MYO3B: variants seen among roughly 807,000 people sequenced by gnomAD.
MYO3B encodes myosin-IIIb.
MYO3B carries 156 observed loss-of-function variants against 174.6 expected under a neutral mutation model. That is an observed-to-expected ratio of 0.89 (90% confidence interval 0.78 to 1.02). The LOEUF (loss-of-function observed/expected upper bound fraction) is 1.02. MYO3B is among the 50% of genes least tolerant of loss of function. The pLI is 0.00. For synonymous variants in MYO3B, 563 were observed against 569.1 expected, an observed-to-expected ratio of 0.99 and a Z score of 0.15; for missense variants, 1,632 against 1,639.4, an observed-to-expected ratio of 1.00 and a Z score of 0.08.
intron 25 of MYO3B, among the ~76,000 whole-genome samples, chr2:170,492,894 G>A (rs1686582647): frequency 6.6e-6 from 1 of 152,216 alleles, no homozygotes; most frequent in Non-Finnish European, 1.5e-5. Context: ...ACATGGGCCA[G>A]GTCTCATAGG....
intron 32 of MYO3B, chr2:170,644,355 C>G (rs1246752291): frequency 6.6e-6 from 1 of 151,724 alleles, no homozygotes; most frequent in Non-Finnish European, 1.5e-5. Flanking sequence ...GATGCGATCT[C>G]AGCTTACTGC....
chr2:170,617,011 A>C (rs1164707730), intron 32 of MYO3B, among the ~76,000 whole-genome samples: 2 of 152,186 alleles, frequency 1.3e-5, no homozygotes, highest in Non-Finnish European at 2.9e-5. Flanking sequence ...CCTCCCATCC[A>C]TATAACAGTT....
At chr2:170,515,320 C>T (rs867523348) in intron 29 of MYO3B, among the ~76,000 whole-genome samples, 10 of 152,322 alleles carry the variant, frequency 6.6e-5, no homozygotes, top group Middle Eastern at 3.4e-3. Context: ...CCAATGGCTT[C>T]GCCTTAACCT....
intron 1 of MYO3B, among the ~76,000 whole-genome samples, chr2:170,189,933 C>T (rs1582646): frequency 0.87 from 131,845 of 152,158 alleles, 57,489 homozygotes; most frequent in East Asian, 1. Context: ...TAGGTATTTA[C>T]TGTGTTCTTC....
chr2:170,243,947 C>T (rs755098220), intron 7 of MYO3B, among the ~76,000 whole-genome samples: 8 of 152,118 alleles, frequency 5.3e-5, no homozygotes, highest in African/African-American at 7.2e-5. Flanking sequence ...TTAAGAGATA[C>T]GGTCACATAC....
At chr2:170,518,586 G>A (rs1688466261) in intron 29 of MYO3B, among the ~76,000 whole-genome samples, 1 of 152,178 alleles carries the variant, frequency 6.6e-6, no homozygotes, top group South Asian at 2.1e-4. Context: ...CTTCCTGGGT[G>A]TTTCTAATGT....
At chr2:170,439,330 C>T (rs2094781794) in intron 22 of MYO3B, among the ~76,000 whole-genome samples, 1 of 151,872 alleles carries the variant, frequency 6.6e-6, no homozygotes, top group Admixed American at 6.6e-5. Flanking sequence ...CAAGATTGTG[C>T]CACTGCACTC....
chr2:170,421,416 CA>C (rs557363391), intron 22 of MYO3B, among the ~76,000 whole-genome samples: 60 of 152,292 alleles, frequency 3.9e-4, no homozygotes, highest in African/African-American at 1.4e-3. Flanking sequence ...TTCCCAGAAG[CA>C]AACAGTACAC....
chr2:170,203,527 G>C (rs2092685909), intron 3 of MYO3B, among the ~76,000 whole-genome samples: 1 of 150,044 alleles, frequency 6.7e-6, no homozygotes, highest in Non-Finnish European at 1.5e-5. Context: ...GGGAGAAAGA[G>C]AGACAGCAGA....
chr2:170,321,371 C>T (rs962811767), intron 7 of MYO3B, among the ~76,000 whole-genome samples: 13 of 151,768 alleles, frequency 8.6e-5, no homozygotes, highest in Admixed American at 2.0e-4. Context: ...TGAGCTTTTT[C>T]GGGACAAAAA....
intron 7 of MYO3B, among the ~76,000 whole-genome samples, chr2:170,246,529 GAC>G (rs58936698): frequency 0.11 from 14,795 of 140,078 alleles, 846 homozygotes; most frequent in African/African-American, 0.18. Flanking sequence ...TTTGGACATG[GAC>G]ACACACACAC....
chr2:170,492,643 G>A (rs1686567065), intron 25 of MYO3B, among the ~76,000 whole-genome samples: 1 of 152,144 alleles, frequency 6.6e-6, no homozygotes, highest in African/African-American at 2.4e-5. Context: ...GTTGAGTAAA[G>A]TCCAGGGCCA....
At chr2:170,608,914 C>T (rs183491129) in intron 32 of MYO3B, among the ~76,000 whole-genome samples, 33 of 152,258 alleles carry the variant, frequency 2.2e-4, no homozygotes, top group Admixed American at 9.8e-4. Context: ...TAGGCCCAAT[C>T]GATATATTAG....
intron 21 of MYO3B, among the ~76,000 whole-genome samples, chr2:170,406,132 A>G (rs896740125): frequency 3.9e-5 from 6 of 152,172 alleles, no homozygotes; most frequent in Non-Finnish European, 8.8e-5. Context: ...TCCACTTTTC[A>G]TACATTATGC....
chr2:170,216,512 G>T (rs866750388), intron 5 of MYO3B, among the ~76,000 whole-genome samples: 2 of 152,168 alleles, frequency 1.3e-5, no homozygotes, highest in Non-Finnish European at 2.9e-5. Context: ...TAATCCTGTG[G>T]ACCTTTACGC....
At chr2:170,266,719 G>C (rs537312805) in intron 7 of MYO3B, among the ~76,000 whole-genome samples, 2 of 152,272 alleles carry the variant, frequency 1.3e-5, no homozygotes, top group East Asian at 3.9e-4. Context: ...GGGGTCAAAA[G>C]TTTATTGAAA....
At chr2:170,443,780 A>G (rs1284059928) in intron 22 of MYO3B, among the ~76,000 whole-genome samples, 187 bp from the exon 23 acceptor site, 1 of 151,280 alleles carries the variant, frequency 6.6e-6, no homozygotes, top group Non-Finnish European at 1.5e-5. Flanking sequence ...ATTATTTTAA[A>G]CTTATAAATA....
At chr2:170,650,195 G>A (rs982043826) in intron 32 of MYO3B, among the ~76,000 whole-genome samples, 11 of 151,812 alleles carry the variant, frequency 7.2e-5, no homozygotes, top group Admixed American at 6.6e-4. Context: ...ACCACGCCCA[G>A]CTAATTTTTG....
At chr2:170,548,106 C>CAAAAAA (rs10532249) in intron 32 of MYO3B, among the ~76,000 whole-genome samples, 4 of 51,718 alleles carry the variant, frequency 7.7e-5, no homozygotes, top group African/African-American at 2.0e-4. Flanking sequence ...GACTCCGTCT[C>CAAAAAA]AAAAAAAAAA....
Sources: allele counts gnomAD v4.1 joint callset (sites outside exome capture counted in the v4.1 genomes callset), GRCh38; gene constraint gnomAD v4.1.1; transcripts MANE v1.5; gene names NCBI Gene and HGNC (gene_info 2026-07-23, HGNC 2026-07-21).